Variants in SLC16A12 observed in about 807,000 individuals in gnomAD.
SLC16A12 encodes monocarboxylate transporter 12.
A neutral mutation model predicts 42.4 loss-of-function variants in SLC16A12; 17 were observed. The ratio of observed to expected loss-of-function variants is 0.40; its 90% CI spans 0.27 to 0.60. The LOEUF (loss-of-function observed/expected upper bound fraction) is 0.60. Among genes scored for constraint, SLC16A12 ranks in the 20% least tolerant of loss-of-function variants. SLC16A12 has a pLI of 0.42. For missense variants in SLC16A12, 544 were observed against 623.0 expected, an observed-to-expected ratio of 0.87 and a Z score of 1.35; for synonymous variants, 224 against 229.4, an observed-to-expected ratio of 0.98 and a Z score of 0.21.
Position 89,551,779 on chromosome 10 carries a change from C to T in SLC16A12, c.-47+4103G>A, listed in dbSNP as rs572258306. 3.8e-4 allele frequency among the ~76,000 whole-genome samples: 58 copies of T among 152,254 alleles called. 2 individuals are homozygous for T. Among genetic ancestry groups the T allele is most frequent in the African/African-American group, 1.3e-3 (56 of 41,558 alleles). On this transcript the variant is annotated intron_variant, in intron 2 of 2. Coordinates refer to the SLC16A12 transcript ENST00000475682. ...GTAAGAAGTGCCTTTTGCCTTCTGC[C>T]ATGATTCTGAGGCATCCTCAGCCAT...
At chr10:89,460,260 T>A (rs1368649334) in intron 3 of SLC16A12, among the ~76,000 whole-genome samples, 1 of 152,004 alleles carries the variant, frequency 6.6e-6, no homozygotes, top group Non-Finnish European at 1.5e-5. Context: ...ACTCCATGAC[T>A]TCCTCAAACC....
intron 2 of SLC16A12, among the ~76,000 whole-genome samples, chr10:89,555,504 C>T (rs71503888): frequency 0.087 from 12,063 of 138,346 alleles, 629 homozygotes; most frequent in Non-Finnish European, 0.11. Context: ...TACGTATATA[C>T]GTATATATAT....
intron 2 of SLC16A12, among the ~76,000 whole-genome samples, chr10:89,505,318 G>A (rs1055490717): frequency 6.6e-6 from 1 of 152,076 alleles, no homozygotes; most frequent in Non-Finnish European, 1.5e-5. Flanking sequence ...GGGAGGCTGA[G>A]GCAGGAGAAT....
intron 3 of SLC16A12, among the ~76,000 whole-genome samples, chr10:89,457,614 TC>T (rs978713054): frequency 2.0e-5 from 3 of 152,290 alleles, no homozygotes; most frequent in Non-Finnish European, 4.4e-5. Flanking sequence ...GAAGTGTGAT[TC>T]TTTTTTTTAT....
At chr10:89,539,771 G>A (rs1348600986), upstream of SLC16A12, among the ~76,000 whole-genome samples, 1 of 152,130 alleles carries the variant, frequency 6.6e-6, no homozygotes, top group Non-Finnish European at 1.5e-5. Flanking sequence ...TAAGATGCAA[G>A]TATTTTACGT....
At chr10:89,461,504 T>C (rs1257587484) in intron 3 of SLC16A12, among the ~76,000 whole-genome samples, 1 of 152,172 alleles carries the variant, frequency 6.6e-6, no homozygotes, top group Non-Finnish European at 1.5e-5. Context: ...CATTCACACA[T>C]CCAATGTAAA....
At chr10:89,521,083 G>C (rs1370785827) in intron 2 of SLC16A12, among the ~76,000 whole-genome samples, 5 of 152,198 alleles carry the variant, frequency 3.3e-5, no homozygotes, top group Non-Finnish European at 5.9e-5. Flanking sequence ...TGAGGCTCAT[G>C]GAAGGTGATA....
At chr10:89,513,510 C>T (rs1210033857) in intron 2 of SLC16A12, among the ~76,000 whole-genome samples, 1 of 152,080 alleles carries the variant, frequency 6.6e-6, no homozygotes, top group Non-Finnish European at 1.5e-5. Flanking sequence ...ATCATATTTC[C>T]TCACCATTAA....
intron 3 of SLC16A12, among the ~76,000 whole-genome samples, chr10:89,450,973 T>G (rs1274187827): frequency 6.6e-6 from 1 of 152,144 alleles, no homozygotes; most frequent in Non-Finnish European, 1.5e-5. Flanking sequence ...TGAAAAATAG[T>G]TAATTACTTA....
At chr10:89,481,914 A>C (rs1447158483) in intron 2 of SLC16A12, among the ~76,000 whole-genome samples, 2 of 152,146 alleles carry the variant, frequency 1.3e-5, no homozygotes, top group African/African-American at 4.8e-5. Context: ...TTTTTCTTTC[A>C]TAAACTTCTT....
intron 2 of SLC16A12, among the ~76,000 whole-genome samples, chr10:89,554,091 AGAAAGAAAGAAGGAAG>A (rs1843790775): frequency 4.0e-5 from 1 of 25,052 alleles, no homozygotes; most frequent in African/African-American, 1.6e-4. Flanking sequence ...AAAGAAAGAA[AGAAAGAAAGAAGGAAG>A]GAAGGAAGGA....
At chr10:89,531,480 G>A (rs1326614358) in intron 2 of SLC16A12, among the ~76,000 whole-genome samples, 1 of 152,146 alleles carries the variant, frequency 6.6e-6, no homozygotes, top group Non-Finnish European at 1.5e-5. Flanking sequence ...GCATGCACCT[G>A]ACCTAGTAAC....
chr10:89,443,658 CT>C, intron 4 of SLC16A12, 97 bp downstream of exon 4: 1 of 892,812 alleles, frequency 1.1e-6, no homozygotes, highest in East Asian at 2.5e-5. Flanking sequence ...TGTAGCCCTT[CT>C]ACTTAGGAAA....
At chr10:89,506,613 G>A (rs887786635) in intron 2 of SLC16A12, among the ~76,000 whole-genome samples, 6 of 152,162 alleles carry the variant, frequency 3.9e-5, no homozygotes, top group Non-Finnish European at 8.8e-5. Flanking sequence ...CCACAAAGAT[G>A]GGGAGAAACC....
chr10:89,468,089 C>T (rs1842433831), intron 2 of SLC16A12: 1 of 152,018 alleles, frequency 6.6e-6, no homozygotes, highest in Non-Finnish European at 1.5e-5. Context: ...AGAAGATATC[C>T]AAAAAATGCA....
At chr10:89,504,089 G>A (rs1843025601) in intron 2 of SLC16A12, among the ~76,000 whole-genome samples, 1 of 152,042 alleles carries the variant, frequency 6.6e-6, no homozygotes, top group Admixed American at 6.6e-5. Context: ...TCTCCATGAG[G>A]CCTCAAAATT....
chr10:89,512,415 T>C (rs1175505900), intron 2 of SLC16A12, among the ~76,000 whole-genome samples: 1 of 152,212 alleles, frequency 6.6e-6, no homozygotes, highest in Non-Finnish European at 1.5e-5. Flanking sequence ...GGTTGGAGGA[T>C]GTTTGCAGAG....
In SLC16A12 at chr10:89,542,453, C is replaced by T. The variant is rs182233189; in HGVS notation, c.-47+13429G>A. On this transcript the variant is annotated intron_variant, in intron 2 of 2. Transcript: ENST00000475682. Reference sequence around the variant, plus strand: ...GAGTAACTGGGACTACAGGCATGCACCACCACGTCTGGGTAATCTTTGTAT... The same window carrying T: ...GAGTAACTGGGACTACAGGCATGCATCACCACGTCTGGGTAATCTTTGTAT... 1.1e-3 allele frequency among the ~76,000 whole-genome samples: 167 copies of T among 152,048 alleles called. 1 individual carries two copies. Among genetic ancestry groups the T allele is most frequent in the African/African-American group, 3.8e-3 (157 of 41,476 alleles).
At chr10:89,498,613 A>G (rs1842955392) in intron 2 of SLC16A12, among the ~76,000 whole-genome samples, 1 of 152,226 alleles carries the variant, frequency 6.6e-6, no homozygotes, top group Admixed American at 6.5e-5. Context: ...CGACTCGGGC[A>G]GACAGAACAG....
Sources: gnomAD v4.1 joint callset for allele counts (sites outside exome capture counted in the v4.1 genomes callset) on GRCh38, gnomAD v4.1.1 for gene constraint, MANE v1.5 for transcripts, NCBI Gene and HGNC (gene_info 2026-07-23, HGNC 2026-07-21) for gene names.